KCNG3: variants seen among roughly 807,000 people sequenced by gnomAD.
KCNG3 encodes voltage-gated potassium channel regulatory subunit KCNG3.
Under a neutral mutation model 29.0 loss-of-function variants are expected in KCNG3, and 15 were observed. The ratio of observed to expected loss-of-function variants is 0.52; its 90% CI spans 0.35 to 0.80. KCNG3 has a LOEUF of 0.80. Ranked by LOEUF, KCNG3 falls within the 30% of genes least tolerant of loss-of-function variation. The probability of loss-of-function intolerance (pLI) is 0.01; values close to 1 mark genes in which losing one functional copy is unlikely to be tolerated. For synonymous variants in KCNG3, 322 were observed against 248.9 expected, an observed-to-expected ratio of 1.29 and a Z score of -2.76; for missense variants, 512 against 605.7, an observed-to-expected ratio of 0.85 and a Z score of 1.62.
chr2:42,419,219 CTTTTTTTT>C, the KCNG3 span, among the ~76,000 whole-genome samples: 14 of 27,734 alleles, frequency 5.0e-4, no homozygotes, highest in African/African-American at 7.3e-4. Context: ...GATGGTATCT[CTTTTTTTT>C]TTTTTTTTTT....
the KCNG3 span, among the ~76,000 whole-genome samples, chr2:42,419,253 TG>T: frequency 1.7e-5 from 2 of 120,986 alleles, no homozygotes; most frequent in African/African-American, 3.2e-5. Flanking sequence ...TTTTTTTTTT[TG>T]AGATAGAGTC....
chr2:42,477,928 C>T (rs192688498), intron 1 of KCNG3, among the ~76,000 whole-genome samples: 1 of 152,006 alleles, frequency 6.6e-6, no homozygotes, highest in East Asian at 2.0e-4. Context: ...GGGCATCCCA[C>T]AGGGTTTTAT....
At chr2:42,458,337 C>A (rs78752289) in intron 1 of KCNG3, among the ~76,000 whole-genome samples, 2,647 of 152,272 alleles carry the variant, frequency 0.017, 89 homozygotes, top group African/African-American at 0.06. Flanking sequence ...AACATGCGCC[C>A]TTGCCTGAGG....
intron 1 of KCNG3, among the ~76,000 whole-genome samples, chr2:42,465,326 C>T (rs1274716629): frequency 6.6e-6 from 1 of 151,932 alleles, no homozygotes; most frequent in African/African-American, 2.4e-5. Context: ...AGGTGATCCT[C>T]CCACCTCAGC....
the KCNG3 span, among the ~76,000 whole-genome samples, chr2:42,423,540 C>T: frequency 5.9e-5 from 9 of 152,228 alleles, no homozygotes; most frequent in Admixed American, 2.6e-4. Context: ...TGCTTTGGTA[C>T]ATGCTGAACC....
intron 1 of KCNG3, among the ~76,000 whole-genome samples, chr2:42,452,241 A>ATT (rs756775284): frequency 3.0e-4 from 20 of 66,084 alleles, no homozygotes; most frequent in African/African-American, 7.8e-4. Context: ...ATATATATAT[A>ATT]TATTTTTTTT....
At position 42,464,584 on chromosome 2, in the gene KCNG3, G is replaced by C. The variant is rs72976289; in HGVS notation, c.666-20005C>G. Among the ~76,000 whole-genome samples, 145 of 152,278 alleles carry C rather than the reference G, an allele frequency of 9.5e-4. 1 individual carries two copies. Among genetic ancestry groups the C allele is most frequent in the African/African-American group, 3.3e-3 (138 of 41,564 alleles). On this transcript the variant is annotated intron_variant, in intron 1 of 1. Coordinates refer to ENST00000306078, the MANE Select transcript of KCNG3 (RefSeq NM_133329.6). ...TAAAATGCATGAGTTATCATCCAAA[G>C]CTTCAGATCTGCCACTCTCCGCCTT...
rs768315159 is a variant in KCNG3, at chr2:42,493,426, G to A, written c.76C>T (p.Leu26=). ...CGGCGCAGCGGGAAGTCCTTCAGCA[G>A]CTCCCGGGACAGCGAATACCGGGCG... ...GGARYSLSRE[L]LKDFPLRRVS... Residue 26 remains leucine (L), a synonymous_variant, in exon 1 of 2, where the codon CTG becomes TTG. Coordinates refer to ENST00000306078, the MANE Select transcript of KCNG3 (RefSeq NM_133329.6). 1.7e-5 allele frequency: 25 copies of A among 1,496,562 alleles called. No homozygotes were observed. The East Asian group carries it at 5.5e-4, about 33-fold the overall frequency. 92.7% of individuals were successfully genotyped at this position (1,496,562 alleles called of 1,614,324 possible). A position where few individuals can be genotyped will look rare whatever the true frequency, so the allele number is the denominator to read the frequency against.
At chr2:42,477,676 C>A (rs187345254) in intron 1 of KCNG3, among the ~76,000 whole-genome samples, 2,584 of 151,840 alleles carry the variant, frequency 0.017, 33 homozygotes, top group Non-Finnish European at 0.027. Context: ...GTCAGGAGTT[C>A]GAGACTAGCC....
chr2:42,477,384 TATATACACACACAC>T (rs1397256769), intron 1 of KCNG3, among the ~76,000 whole-genome samples: 11 of 101,918 alleles, frequency 1.1e-4, no homozygotes, highest in African/African-American at 4.3e-4. Flanking sequence ...CACACACATA[TATATACACACACAC>T]ACACACACAC....
chr2:42,429,717 T>A, the KCNG3 span, among the ~76,000 whole-genome samples: 13 of 152,006 alleles, frequency 8.6e-5, no homozygotes, highest in East Asian at 1.9e-4. Context: ...GCCTAGCTTT[T>A]AAAACCTCTC....
At chr2:42,437,171 G>A (rs1379836907), downstream of KCNG3, among the ~76,000 whole-genome samples, 3 of 152,192 alleles carry the variant, frequency 2.0e-5, no homozygotes, top group East Asian at 3.9e-4. Flanking sequence ...AGCACAAAAA[G>A]ATGCATACAT....
At position 42,443,777 on chromosome 2, in the gene KCNG3, A is replaced by G; in HGVS notation, c.*157T>C. ...TCTCAATTCTATTTACTCCATAACAAGTAAACTGTTTTATCCCTTCGGCTG... is the reference window on the plus strand; with the variant it reads ...TCTCAATTCTATTTACTCCATAACAGGTAAACTGTTTTATCCCTTCGGCTG... On this transcript the variant is annotated 3_prime_UTR_variant, in exon 2 of 2. Coordinates refer to ENST00000306078, the MANE Select transcript of KCNG3 (RefSeq NM_133329.6). 1.5e-6 allele frequency: 1 copy of G among 654,780 alleles called. No individual in the cohort carries two copies. The highest frequency in any genetic ancestry group is 1.8e-5 in the African/African-American group (1 of 54,992). 40.6% of individuals were successfully genotyped at this position (654,780 alleles called of 1,614,324 possible). A position where few individuals can be genotyped will look rare whatever the true frequency, so the allele number is the denominator to read the frequency against.
chr2:42,459,790 C>G (rs1348514340), intron 1 of KCNG3, among the ~76,000 whole-genome samples: 1 of 152,106 alleles, frequency 6.6e-6, no homozygotes, highest in African/African-American at 2.4e-5. Flanking sequence ...TGCTGGCTAA[C>G]ATGGTGAAAC....
the KCNG3 span, among the ~76,000 whole-genome samples, chr2:42,416,767 G>A: frequency 6.0e-5 from 9 of 150,482 alleles, no homozygotes; most frequent in South Asian, 6.3e-4. Context: ...GCAGCGAGCC[G>A]AGATTGCGCC....
In KCNG3 at chr2:42,442,071, G is replaced by C. The variant is rs1280360271; in HGVS notation, c.*1863C>G. On this transcript the variant is annotated 3_prime_UTR_variant, in exon 2 of 2. Transcript: ENST00000306078. ...ATGGAGGTGCTATCATCTGCACATTGTTTGCATGAACCACAAAGCTTTAAT... is the reference window on the plus strand; with the variant it reads ...ATGGAGGTGCTATCATCTGCACATTCTTTGCATGAACCACAAAGCTTTAAT... 6 of 152,120 alleles carry C rather than the reference G, an allele frequency of 3.9e-5. No individual in the cohort carries two copies. The East Asian group carries it at 1.2e-3, about 29-fold the overall frequency. The allele number at this position is 152,120 out of a possible 1,614,324, so 9.4% of individuals were successfully genotyped here.
chr2:42,473,127 A>T (rs1404796540), intron 1 of KCNG3, among the ~76,000 whole-genome samples: 1 of 148,738 alleles, frequency 6.7e-6, no homozygotes, highest in Non-Finnish European at 1.5e-5. Context: ...CCATCTCCTG[A>T]CCTCATGATC....
At chr2:42,429,729 C>G in the KCNG3 span, among the ~76,000 whole-genome samples, 2 of 152,168 alleles carry the variant, frequency 1.3e-5, no homozygotes, top group Non-Finnish European at 2.9e-5. Context: ...AAACCTCTCC[C>G]CAACCCAGGT....
the KCNG3 span, among the ~76,000 whole-genome samples, chr2:42,398,343 T>G: frequency 1.3e-5 from 2 of 152,112 alleles, no homozygotes; most frequent in Admixed American, 6.6e-5. Flanking sequence ...CATGGTTGCT[T>G]CCATCATTTT....
Sources: gnomAD v4.1 joint callset for allele counts (sites outside exome capture counted in the v4.1 genomes callset) on GRCh38, gnomAD v4.1.1 for gene constraint, MANE v1.5 for transcripts, NCBI Gene and HGNC (gene_info 2026-07-23, HGNC 2026-07-21) for gene names.